The following ARHGAP29 variants were observed in gnomAD, a reference collection of about 807,000 sequenced individuals.
ARHGAP29 encodes rho GTPase-activating protein 29.
Under a neutral mutation model 122.6 loss-of-function variants are expected in ARHGAP29, and 43 were observed. The observed-to-expected ratio is 0.35, with a 90% CI of 0.27 to 0.45. ARHGAP29 has a LOEUF of 0.45. Among genes scored for constraint, ARHGAP29 ranks in the 20% least tolerant of loss-of-function variants. The probability of loss-of-function intolerance (pLI) is 1.00; values close to 1 mark genes in which losing one functional copy is unlikely to be tolerated. For synonymous variants in ARHGAP29, 506 were observed against 497.1 expected (o/e 1.02, Z -0.24); for missense variants, 1,303 against 1,477.2 (o/e 0.88, Z 1.93).
chr1:94,170,878 T>G lies in ARHGAP29; in HGVS notation c.*2991A>C, dbSNP rs1375405501. On this transcript the variant is annotated 3_prime_UTR_variant, in exon 23 of 23. Coordinates refer to ENST00000260526, the MANE Select transcript of ARHGAP29 (RefSeq NM_004815.4). Reference sequence around the variant, plus strand: ...AGTATTTTGTATTTTTTAATGATATTGAAGAGATCTTTCTAAAAACTTCCA... The same window carrying G: ...AGTATTTTGTATTTTTTAATGATATGGAAGAGATCTTTCTAAAAACTTCCA... 6.6e-6 allele frequency among the ~76,000 whole-genome samples: 1 copy of G among 152,180 alleles called. No homozygotes were observed. The highest frequency in any genetic ancestry group is 1.5e-5 in the Non-Finnish European group (1 of 68,044).
chr1:94,212,157 T>C (rs1432916994), intron 3 of ARHGAP29, among the ~76,000 whole-genome samples: 5 of 152,082 alleles, frequency 3.3e-5, no homozygotes, highest in African/African-American at 1.2e-4. Flanking sequence ...CGCACTCCTG[T>C]AATCAATCCC....
At chr1:94,243,780 A>G (rs984408983) in intron 1 of ARHGAP29, among the ~76,000 whole-genome samples, 3 of 152,102 alleles carry the variant, frequency 2.0e-5, no homozygotes, top group Non-Finnish European at 4.4e-5. Flanking sequence ...ATTGATAAAT[A>G]TCTAGCTAGG....
intron 1 of ARHGAP29, among the ~76,000 whole-genome samples, chr1:94,243,236 AC>A (rs1653668967): frequency 6.6e-6 from 1 of 151,680 alleles, no homozygotes; most frequent in East Asian, 1.9e-4. Context: ...CCACCAAAAA[AC>A]AGCAGAATAT....
intron 1 of ARHGAP29, among the ~76,000 whole-genome samples, chr1:94,258,499 T>C (rs538086595): frequency 2.6e-5 from 4 of 152,290 alleles, no homozygotes; most frequent in African/African-American, 7.2e-5. Context: ...GATACCACAG[T>C]GTTCTTTGCC....
At chr1:94,222,185 A>G (rs756675577) in intron 2 of ARHGAP29, among the ~76,000 whole-genome samples, 5 of 152,238 alleles carry the variant, frequency 3.3e-5, no homozygotes, top group African/African-American at 7.2e-5. Flanking sequence ...ATTAGTAAAC[A>G]GGGGAAAAGA....
At chr1:94,236,702 A>G (rs918360296) in intron 1 of ARHGAP29, among the ~76,000 whole-genome samples, 4 of 152,092 alleles carry the variant, frequency 2.6e-5, no homozygotes, top group African/African-American at 9.7e-5. Flanking sequence ...TTTAATTAAA[A>G]CTGTCAAACC....
At chr1:94,266,955 C>T (rs1480051986) in intron 1 of ARHGAP29, among the ~76,000 whole-genome samples, 1 of 152,102 alleles carries the variant, frequency 6.6e-6, no homozygotes, top group Non-Finnish European at 1.5e-5. Context: ...ACTTACTTGC[C>T]CAAGGTCACA....
rs1203210072 is a variant in ARHGAP29 at position 94,171,941 on chromosome 1, C to T, written c.*1928G>A. The T allele has an allele frequency of 6.6e-6, 1 of 152,056 alleles. No individual in the cohort carries two copies. Among genetic ancestry groups the T allele is most frequent in the Non-Finnish European group, 1.5e-5 (1 of 68,004 alleles). The allele number at this position is 152,056 out of a possible 1,614,324, so 9.4% of individuals were successfully genotyped here. ...CAAAACAATGTGAATATACTTAATG[C>T]CACTGAACTATATGCTTAAAAATGG... is the stretch of plus-strand genomic sequence containing the variant. On this transcript the variant is annotated 3_prime_UTR_variant, in exon 23 of 23. Coordinates refer to ENST00000260526, the MANE Select transcript of ARHGAP29 (RefSeq NM_004815.4).
At chr1:94,285,097 G>T in the ARHGAP29 span, among the ~76,000 whole-genome samples, 1 of 152,138 alleles carries the variant, frequency 6.6e-6, no homozygotes, top group African/African-American at 2.4e-5. Flanking sequence ...GAGGTGTCAT[G>T]GCTGATACAA....
At chr1:94,206,766 CAT>C (rs753990875) in intron 5 of ARHGAP29, among the ~76,000 whole-genome samples, 1 of 151,766 alleles carries the variant, frequency 6.6e-6, no homozygotes, top group East Asian at 1.9e-4. Context: ...TGTGGTAGCA[CAT>C]GTCTGTGGTC....
Position 94,173,918 on chromosome 1 carries a change from C to A in ARHGAP29, c.3737G>T (p.Arg1246Leu), listed in dbSNP as rs769645920. ...NPMCQRPRLK[R>L]MQQFEDLEGE... ...TTCGAGGTCTTCAAACTGTTGCATT[C>A]GTTTTAGCCTTGGTCTCTGACACAT... The change falls in exon 23 of 23, where the codon CGA becomes CTA. Residue 1246 changes from arginine to leucine, a missense_variant. Transcript: ENST00000260526. 3.7e-6 allele frequency: 6 copies of A among 1,612,320 alleles called. No individual in the cohort carries two copies. The African/African-American group carries it at 4.0e-5, about 11-fold the overall frequency.
chr1:94,281,745 A>G, the ARHGAP29 span, among the ~76,000 whole-genome samples: 7 of 149,250 alleles, frequency 4.7e-5, no homozygotes, highest in Non-Finnish European at 1.5e-5. Context: ...GGCAAATGCT[A>G]TAGAGTATAA....
At chr1:94,306,260 C>T in the ARHGAP29 span, among the ~76,000 whole-genome samples, 406 of 152,310 alleles carry the variant, frequency 2.7e-3, no homozygotes, top group Admixed American at 4.2e-3. Context: ...TGGGAAGCCC[C>T]AGAGGAAAGA....
At chr1:94,243,204 T>C (rs1267299210) in intron 1 of ARHGAP29, among the ~76,000 whole-genome samples, 1 of 142,618 alleles carries the variant, frequency 7.0e-6, no homozygotes. Flanking sequence ...CAACTTGACC[T>C]GATAGACATT....
rs951729674 is a variant in ARHGAP29, at chr1:94,254,800, G to A, written c.-33+20212C>T. 3.3e-5 allele frequency among the ~76,000 whole-genome samples: 5 copies of A among 152,230 alleles called. No individual in the cohort carries two copies. In the East Asian group the frequency reaches 9.6e-4, roughly 29 times the overall value. On this transcript the variant is annotated intron_variant and NMD_transcript_variant, in intron 1 of 25. Transcript: ENST00000552844. ...GGACCCTGTGAAGATGTTTCACAGAGAGCTGGCATTTTAATTTACACAGCT... is the reference window on the plus strand; with the variant it reads ...GGACCCTGTGAAGATGTTTCACAGAAAGCTGGCATTTTAATTTACACAGCT...
chr1:94,293,951 C>G, the ARHGAP29 span, among the ~76,000 whole-genome samples: 4 of 152,200 alleles, frequency 2.6e-5, no homozygotes, highest in Non-Finnish European at 5.9e-5. Context: ...TCCCAATCCT[C>G]TAATCATGGC....
chr1:94,254,844 A>C (rs1654267631), intron 1 of ARHGAP29, among the ~76,000 whole-genome samples: 1 of 152,216 alleles, frequency 6.6e-6, no homozygotes, highest in African/African-American at 2.4e-5. Context: ...ACACCAAGTC[A>C]GTGAAATGGA....
upstream of ARHGAP29, among the ~76,000 whole-genome samples, chr1:94,238,918 T>A (rs1303436505): frequency 6.6e-6 from 1 of 152,106 alleles, no homozygotes; most frequent in Non-Finnish European, 1.5e-5. Flanking sequence ...AAAACAATGC[T>A]AAGAAAATAC....
intron 2 of ARHGAP29, among the ~76,000 whole-genome samples, chr1:94,222,314 A>G (rs1652349607): frequency 6.6e-6 from 1 of 152,252 alleles, no homozygotes; most frequent in Non-Finnish European, 1.5e-5. Context: ...CAAAGAGTGT[A>G]GTATGGAAAG....
Sources: allele counts gnomAD v4.1 joint callset (sites outside exome capture counted in the v4.1 genomes callset), GRCh38; gene constraint gnomAD v4.1.1; transcripts MANE v1.5; gene names NCBI Gene and HGNC (gene_info 2026-07-23, HGNC 2026-07-21).